The following RSRC1 variants were observed in gnomAD, a reference collection of about 807,000 sequenced individuals.
The protein encoded by RSRC1 is arginine and serine rich coiled-coil 1, also known as serine/Arginine-related protein 53.
RSRC1 carries 39 observed loss-of-function variants against 49.1 expected under a neutral mutation model. The observed-to-expected ratio is 0.79, with a 90% CI of 0.61 to 1.04. RSRC1 has a LOEUF of 1.04. RSRC1 is among the 50% of genes least tolerant of loss of function. The pLI, the probability that RSRC1 is intolerant of heterozygous loss-of-function variation, is 0.00. For missense variants in RSRC1, 388 were observed against 402.4 expected (o/e 0.96, Z 0.31); for synonymous variants, 143 against 130.8 (o/e 1.09, Z -0.63).
intron 6 of RSRC1, among the ~76,000 whole-genome samples, chr3:158,358,902 GTATATA>G (rs1442211844): frequency 7.9e-6 from 1 of 126,620 alleles, no homozygotes; most frequent in Non-Finnish European, 1.6e-5. Context: ...GTGTATGTGT[GTATATA>G]TATATATACA....
intron 5 of RSRC1, among the ~76,000 whole-genome samples, chr3:158,344,254 A>G (rs548542321): frequency 1.2e-3 from 181 of 152,282 alleles, no homozygotes; most frequent in Admixed American, 2.6e-3. Context: ...GCAAGACTGC[A>G]TCTCAAAAAA....
intron 4 of RSRC1, among the ~76,000 whole-genome samples, chr3:158,220,860 G>A (rs1158597431): frequency 6.6e-6 from 1 of 151,542 alleles, no homozygotes; most frequent in Non-Finnish European, 1.5e-5. Context: ...AAAACATACA[G>A]TAATCACCTA....
chr3:158,337,370 A>G (rs1433669418), intron 5 of RSRC1, among the ~76,000 whole-genome samples: 1 of 152,194 alleles, frequency 6.6e-6, no homozygotes, highest in Non-Finnish European at 1.5e-5. Flanking sequence ...TGTACAAAGC[A>G]TGGGGTAAGA....
At chr3:158,236,046 G>A (rs546423069) in intron 4 of RSRC1, among the ~76,000 whole-genome samples, 1 of 152,108 alleles carries the variant, frequency 6.6e-6, no homozygotes, top group South Asian at 2.1e-4. Flanking sequence ...AACTCAGGAG[G>A]CGGAGGTTGC....
intron 7 of RSRC1, among the ~76,000 whole-genome samples, chr3:158,505,706 T>G (rs1022100641): frequency 1.1e-4 from 17 of 150,388 alleles, no homozygotes; most frequent in African/African-American, 3.9e-4. Context: ...TAGTCAGACT[T>G]ACATAGGTTC....
intron 8 of RSRC1, 45 bp from the exon 9 acceptor site, chr3:158,543,289 TC>T: frequency 7.1e-7 from 1 of 1,415,298 alleles, no homozygotes; most frequent in Non-Finnish European, 9.3e-7. Flanking sequence ...GAAGTAAAAC[TC>T]TAATTGTGTA....
At chr3:158,159,919 A>C (rs4561782) in intron 3 of RSRC1, among the ~76,000 whole-genome samples, 1 of 151,940 alleles carries the variant, frequency 6.6e-6, no homozygotes, top group Non-Finnish European at 1.5e-5. Context: ...AATGCCATGT[A>C]TGTGGGTGTG....
At chr3:158,464,538 G>A (rs1372542196) in intron 7 of RSRC1, among the ~76,000 whole-genome samples, 1 of 152,062 alleles carries the variant, frequency 6.6e-6, no homozygotes, top group Non-Finnish European at 1.5e-5. Context: ...ATAATAAAAG[G>A]CAGTTTAAGT....
intron 4 of RSRC1, among the ~76,000 whole-genome samples, chr3:158,210,364 C>T (rs116283798): frequency 0.034 from 5,116 of 151,214 alleles, 98 homozygotes; most frequent in Non-Finnish European, 0.048. Context: ...TTGAAAAAGA[C>T]GAAGACTTTG....
chr3:158,458,367 G>A (rs1002805189), intron 6 of RSRC1, among the ~76,000 whole-genome samples: 2 of 151,856 alleles, frequency 1.3e-5, no homozygotes, highest in African/African-American at 4.8e-5. Flanking sequence ...ATTAATTACA[G>A]TTTTTGCTAT....
intron 6 of RSRC1, among the ~76,000 whole-genome samples, chr3:158,360,002 C>T (rs1206641909): frequency 2.0e-5 from 3 of 151,950 alleles, no homozygotes; most frequent in African/African-American, 7.2e-5. Context: ...GTGGTACCAA[C>T]AAGTGTTCAG....
At chr3:158,487,724 C>T (rs1656360) in intron 7 of RSRC1, among the ~76,000 whole-genome samples, 8,140 of 151,530 alleles carry the variant, frequency 0.054, 315 homozygotes, top group South Asian at 0.098. Context: ...CTGAGGTGGG[C>T]GGATCACCTG....
intron 4 of RSRC1, among the ~76,000 whole-genome samples, chr3:158,230,918 GAGA>G (rs1175878135): frequency 6.6e-6 from 1 of 152,040 alleles, no homozygotes; most frequent in Admixed American, 6.6e-5. Context: ...ATTTTAAGAT[GAGA>G]AGGACTGTCA....
At position 158,544,626 on chromosome 3, in the gene RSRC1, G is replaced by A. The variant is rs1424257694; in HGVS notation, c.*351G>A. On this transcript the variant is annotated 3_prime_UTR_variant, in exon 10 of 10. Transcript: ENST00000611884. Reference sequence around the variant, plus strand: ...CAATTTTGATTAATTATGCATACATGAGAATTGAATTACATGCTATAAATA... The same window carrying A: ...CAATTTTGATTAATTATGCATACATAAGAATTGAATTACATGCTATAAATA... 6.2e-6 allele frequency: 1 copy of A among 160,362 alleles called. No individual in the cohort carries two copies. Among genetic ancestry groups the A allele is most frequent in the African/African-American group, 2.4e-5 (1 of 41,678 alleles). 9.9% of individuals were successfully genotyped at this position (160,362 alleles called of 1,614,324 possible).
rs1401906589 is a variant in RSRC1, at chr3:158,544,480, G to C, written c.*205G>C. The C allele has an allele frequency of 2.7e-6, 1 of 374,964 alleles. No homozygotes were observed. The highest frequency in any genetic ancestry group is 2.1e-5 in the African/African-American group (1 of 47,712). 23.2% of individuals were successfully genotyped at this position (374,964 alleles called of 1,614,324 possible). A position where few individuals can be genotyped will look rare whatever the true frequency, so the allele number is the denominator to read the frequency against. On this transcript the variant is annotated 3_prime_UTR_variant, in exon 10 of 10. Transcript: ENST00000611884. ...TTGTAAAAATTAAAACAAAATTTAA[G>C]ATTGCATGAAAATGTTATACTGTTA... is the stretch of plus-strand genomic sequence containing the variant.
At chr3:158,501,389 T>C (rs1234895721) in intron 7 of RSRC1, among the ~76,000 whole-genome samples, 1 of 152,216 alleles carries the variant, frequency 6.6e-6, no homozygotes, top group African/African-American at 2.4e-5. Flanking sequence ...TGTTCCAAGG[T>C]ATAGTTTAAA....
intron 3 of RSRC1, among the ~76,000 whole-genome samples, chr3:158,179,317 A>G (rs1719444949): frequency 6.6e-6 from 1 of 152,218 alleles, no homozygotes; most frequent in Non-Finnish European, 1.5e-5. Flanking sequence ...CAGAATGTAG[A>G]CATTGATACA....
chr3:158,180,425 T>TGTGTGTG (rs1719518829), intron 3 of RSRC1, among the ~76,000 whole-genome samples: 1 of 118,700 alleles, frequency 8.4e-6, no homozygotes, highest in Admixed American at 1.0e-4. Context: ...TTGCCGTGTG[T>TGTGTGTG]GTGTGTGTGT....
intron 7 of RSRC1, among the ~76,000 whole-genome samples, chr3:158,525,337 A>G (rs541442286): frequency 1.3e-5 from 2 of 152,130 alleles, no homozygotes; most frequent in South Asian, 4.1e-4. Flanking sequence ...AGAAATGCAA[A>G]TTAAAACAGC....
Sources: gnomAD v4.1 joint callset for allele counts (sites outside exome capture counted in the v4.1 genomes callset) on GRCh38, gnomAD v4.1.1 for gene constraint, MANE v1.5 for transcripts, NCBI Gene and HGNC (gene_info 2026-07-23, HGNC 2026-07-21) for gene names.